DCDC1: variants seen among roughly 807,000 people sequenced by gnomAD.
The protein encoded by DCDC1 is doublecortin domain containing 1.
Under a neutral mutation model 178.3 loss-of-function variants are expected in DCDC1, and 200 were observed. The observed-to-expected ratio is 1.12, with a 90% CI of 1.00 to 1.26. The LOEUF is 1.26. Among genes scored for constraint, DCDC1 ranks in the 50% most tolerant of loss-of-function variants. DCDC1 has a pLI of 0.00. For synonymous variants in DCDC1, 690 were observed against 604.8 expected (o/e 1.14, Z -2.07); for missense variants, 1,983 against 1,749.2 (o/e 1.13, Z -2.38).
At chr11:31,175,782 A>T (rs914649684) in intron 9 of DCDC1, among the ~76,000 whole-genome samples, 4 of 152,232 alleles carry the variant, frequency 2.6e-5, no homozygotes, top group Admixed American at 1.3e-4. Flanking sequence ...CACTAAAGCA[A>T]TCACAGATAT....
chr11:31,300,993 C>A (rs1555170536), intron 6 of DCDC1, among the ~76,000 whole-genome samples: 1 of 152,116 alleles, frequency 6.6e-6, no homozygotes, highest in African/African-American at 2.4e-5. Context: ...ACTAAGAACA[C>A]TTTTTTGGTC....
In DCDC1 at chr11:30,903,545, C is replaced by A; in HGVS notation, c.4447G>T (p.Glu1483Ter). 1.2e-6 allele frequency: 2 copies of A among 1,606,962 alleles called. No homozygotes were observed. Among genetic ancestry groups the A allele is most frequent in the Admixed American group, 3.4e-5 (2 of 59,012 alleles). Residue 1483 changes from glutamate (E) to a stop codon, truncating the protein, a stop_gained, in exon 32 of 39, where the codon GAG (glutamate) becomes TAG (stop). Coordinates refer to ENST00000684477, the MANE Select transcript of DCDC1 (RefSeq NM_001387274.1). LOFTEE classifies it high-confidence loss of function. ...GGAGCTGCATCTTGCTTTTGTTTCT[C>A]AGAGTCTCTCTGGAGAAAGGATTCA... ...LDESFLQRDS[E>*]KQKQDAAPVG...
rs139422273 is a variant in DCDC1 at position 30,922,600 on chromosome 11, G to A, written c.3036C>T (p.Asp1012=). Residue 1012 remains aspartate (D), a synonymous_variant, in exon 24 of 39, where the codon GAC becomes GAT. Coordinates refer to ENST00000684477, the MANE Select transcript of DCDC1 (RefSeq NM_001387274.1). ...GTTTCTTTTGCTGAGCAATGGACAG[G>A]TCAGGATTGATCCAGAGTTCTCCAC... ...VSCGELWINP[D]LSIAQQKKQI... The A allele has an allele frequency of 3.1e-4, 497 of 1,578,602 alleles. 2 individuals carry two copies. The African/African-American group carries it at 6.0e-3, about 19-fold the overall frequency.
intron 9 of DCDC1, among the ~76,000 whole-genome samples, chr11:31,157,050 C>G (rs1333194992): frequency 2.0e-5 from 3 of 151,898 alleles, no homozygotes; most frequent in Non-Finnish European, 4.4e-5. Flanking sequence ...TTAGATTTTT[C>G]AATAGTATTT....
chr11:30,931,313 A>G (rs1946909404), intron 22 of DCDC1, among the ~76,000 whole-genome samples: 1 of 152,134 alleles, frequency 6.6e-6, no homozygotes, highest in Admixed American at 6.6e-5. Context: ...TCCAAGGAAG[A>G]CTATAAATTA....
At chr11:30,907,581 A>G (rs1179372487) in intron 29 of DCDC1, among the ~76,000 whole-genome samples, 1 of 152,170 alleles carries the variant, frequency 6.6e-6, no homozygotes, top group Non-Finnish European at 1.5e-5. Flanking sequence ...CGAGACCACA[A>G]TGTGAACAAA....
chr11:30,882,810 A>G (rs1210677379), intron 36 of DCDC1: 1 of 152,224 alleles, frequency 6.6e-6, no homozygotes, highest in African/African-American at 2.4e-5. Flanking sequence ...ACTCAAGGTG[A>G]AGATTTTGAA....
At chr11:31,191,969 T>C (rs1970183282) in intron 9 of DCDC1, among the ~76,000 whole-genome samples, 1 of 152,090 alleles carries the variant, frequency 6.6e-6, no homozygotes, top group African/African-American at 2.4e-5. Context: ...GTCCAGCACA[T>C]GGTAGGACCT....
chr11:31,051,457 T>C (rs1178679139), intron 20 of DCDC1, among the ~76,000 whole-genome samples: 1 of 152,098 alleles, frequency 6.6e-6, no homozygotes, highest in Non-Finnish European at 1.5e-5. Context: ...GACAGCTAAA[T>C]ACAAGAAGCA....
chr11:31,124,216 GT>G (rs1961252896), intron 11 of DCDC1, among the ~76,000 whole-genome samples: 2 of 151,938 alleles, frequency 1.3e-5, no homozygotes, highest in Non-Finnish European at 2.9e-5. Context: ...TTTATTGAGA[GT>G]TTTTAACATA....
intron 21 of DCDC1, among the ~76,000 whole-genome samples, chr11:30,950,515 G>A (rs1212153957): frequency 6.6e-6 from 1 of 152,056 alleles, no homozygotes; most frequent in Non-Finnish European, 1.5e-5. Flanking sequence ...AAGTATTTCA[G>A]CCATAAAAAA....
intron 9 of DCDC1, among the ~76,000 whole-genome samples, chr11:31,191,498 T>C (rs1389065063): frequency 2.0e-5 from 3 of 152,022 alleles, no homozygotes; most frequent in Non-Finnish European, 4.4e-5. Context: ...TCAAAAGGTA[T>C]GGAAAAGGTG....
At chr11:31,272,683 A>G (rs1438348555) in intron 7 of DCDC1, among the ~76,000 whole-genome samples, 4 of 152,204 alleles carry the variant, frequency 2.6e-5, no homozygotes, top group Non-Finnish European at 4.4e-5. Flanking sequence ...CTTTGACTCC[A>G]TGTCTCACAT....
intron 8 of DCDC1, among the ~76,000 whole-genome samples, chr11:31,250,415 C>CACACACACACATATAT (rs1223526182): frequency 1.4e-5 from 1 of 73,672 alleles, no homozygotes; most frequent in African/African-American, 5.2e-5. Context: ...CACACACACA[C>CACACACACACATATAT]ATATACATAT....
chr11:31,046,780 G>A (rs1399425667), intron 20 of DCDC1, among the ~76,000 whole-genome samples: 1 of 151,792 alleles, frequency 6.6e-6, no homozygotes, highest in Non-Finnish European at 1.5e-5. Flanking sequence ...ACAAATCCTA[G>A]GTTTCTGTTA....
chr11:31,027,644 G>C (rs1953329480), intron 20 of DCDC1, among the ~76,000 whole-genome samples: 1 of 151,572 alleles, frequency 6.6e-6, no homozygotes, highest in Non-Finnish European at 1.5e-5. Flanking sequence ...GTACAATCAG[G>C]ATATTTGATT....
In DCDC1 at chr11:31,355,993, G is replaced by T. The variant is rs79000303; in HGVS notation, c.-125+13704C>A. Among the ~76,000 whole-genome samples the T allele has an allele frequency of 2.5e-3, 380 of 152,232 alleles. 1 individual carries two copies. Among genetic ancestry groups the T allele is most frequent in the African/African-American group, 8.7e-3 (361 of 41,530 alleles). ...TACCGGTATATCCAAAAGGAAATGG[G>T]AATGAGTAACTATTCCCAATCGCCC... On this transcript the variant is annotated intron_variant, in intron 1 of 38. Coordinates refer to ENST00000684477, the MANE Select transcript of DCDC1 (RefSeq NM_001387274.1).
chr11:31,296,705 A>G (rs569914431), intron 6 of DCDC1, among the ~76,000 whole-genome samples: 1 of 152,372 alleles, frequency 6.6e-6, no homozygotes. Flanking sequence ...GGAGGGCCTC[A>G]GGAAACTTAG....
chr11:31,134,975 A>T (rs1962940741), intron 10 of DCDC1, among the ~76,000 whole-genome samples: 1 of 152,208 alleles, frequency 6.6e-6, no homozygotes. Context: ...TAGTCTAGGT[A>T]ACAGAGAGAG....
Sources: allele counts gnomAD v4.1 joint callset (sites outside exome capture counted in the v4.1 genomes callset), GRCh38; gene constraint gnomAD v4.1.1; transcripts MANE v1.5; gene names NCBI Gene and HGNC (gene_info 2026-07-23, HGNC 2026-07-21).